Variants in STXBP4 observed in about 807,000 individuals in gnomAD.
STXBP4 encodes the protein syntaxin binding protein 4, also known as syntaxin-binding protein 4.
In STXBP4, 55 loss-of-function variants were observed where a neutral mutation model predicts 76.1. The observed-to-expected ratio is 0.72, with a 90% CI of 0.58 to 0.91. STXBP4 has a LOEUF of 0.91. Among genes scored for constraint, STXBP4 ranks in the 40% least tolerant of loss-of-function variants. STXBP4 has a pLI of 0.00. For missense variants in STXBP4, 618 were observed against 636.9 expected, an observed-to-expected ratio of 0.97 and a Z score of 0.32; for synonymous variants, 201 against 220.2, an observed-to-expected ratio of 0.91 and a Z score of 0.77.
At position 55,069,087 on chromosome 17, in the gene STXBP4, C is replaced by T. The variant is rs538640655; in HGVS notation, c.1012-3813C>T. On this transcript the variant is annotated intron_variant, in intron 12 of 17. Coordinates refer to ENST00000376352, the MANE Select transcript of STXBP4 (RefSeq NM_178509.6). ...GCTCTTTGAAGTTTCATTATGTAAT[C>T]GTGAGGCAGAAAAACCTCATTTTAT... Among the ~76,000 whole-genome samples, 247 of 148,278 alleles carry T rather than the reference C, an allele frequency of 1.7e-3. 7 individuals carry two copies. In the South Asian group the frequency reaches 0.031, roughly 19 times the overall value.
intron 17 of STXBP4, among the ~76,000 whole-genome samples, chr17:55,158,992 C>T (rs1350453320): frequency 6.6e-6 from 1 of 152,206 alleles, no homozygotes; most frequent in Non-Finnish European, 1.5e-5. Flanking sequence ...CGCCTGTAAT[C>T]CCAACACTTT....
intron 8 of STXBP4, among the ~76,000 whole-genome samples, chr17:55,024,374 G>T (rs139494432): frequency 6.6e-6 from 1 of 152,184 alleles, no homozygotes. Context: ...CTTGTCAGCC[G>T]GTGATAGAAT....
chr17:55,113,000 A>C (rs1044074690), intron 16 of STXBP4, among the ~76,000 whole-genome samples: 3 of 152,270 alleles, frequency 2.0e-5, no homozygotes, highest in South Asian at 2.1e-4. Context: ...TAGATTGGTG[A>C]GGGCACAAAT....
intron 16 of STXBP4, among the ~76,000 whole-genome samples, chr17:55,103,296 T>A (rs2079588263): frequency 6.6e-6 from 1 of 152,246 alleles, no homozygotes; most frequent in Admixed American, 6.5e-5. Context: ...CCATCTTGAA[T>A]TAATTTTTGT....
chr17:55,189,564 C>G, the STXBP4 span, among the ~76,000 whole-genome samples: 4,628 of 152,254 alleles, frequency 0.03, 116 homozygotes, highest in East Asian at 0.15. Flanking sequence ...AGTGAGGCCA[C>G]GGTCAAGTTA....
chr17:55,100,867 C>G (rs571467728), intron 16 of STXBP4, among the ~76,000 whole-genome samples: 3 of 152,268 alleles, frequency 2.0e-5, no homozygotes, highest in East Asian at 1.9e-4. Context: ...ATCTTGCACT[C>G]TTTACTGGCT....
chr17:54,976,002 CT>C (rs962518730), intron 1 of STXBP4, among the ~76,000 whole-genome samples: 19 of 152,118 alleles, frequency 1.2e-4, no homozygotes, highest in African/African-American at 4.3e-4. Context: ...TTAATTGTAT[CT>C]TTTTTTTATT....
chr17:55,135,628 G>A (rs996674441), intron 16 of STXBP4, among the ~76,000 whole-genome samples: 1 of 151,936 alleles, frequency 6.6e-6, no homozygotes, highest in Non-Finnish European at 1.5e-5. Flanking sequence ...AGGAAAATTA[G>A]CTAGTAGTTC....
the STXBP4 span, among the ~76,000 whole-genome samples, chr17:55,204,299 C>A: frequency 1.3e-5 from 2 of 151,938 alleles, no homozygotes; most frequent in Non-Finnish European, 2.9e-5. Context: ...GTCTCCAGTT[C>A]TCTGCTTAAA....
chr17:55,011,786 G>A (rs1299568724), intron 8 of STXBP4, among the ~76,000 whole-genome samples: 1 of 152,108 alleles, frequency 6.6e-6, no homozygotes, highest in African/African-American at 2.4e-5. Context: ...CAGCTTCCCA[G>A]CTAGGCTTAG....
At chr17:55,068,680 G>C (rs2079083250) in intron 12 of STXBP4, among the ~76,000 whole-genome samples, 1 of 152,056 alleles carries the variant, frequency 6.6e-6, no homozygotes, top group Non-Finnish European at 1.5e-5. Flanking sequence ...AGAGGAAAAG[G>C]AAAAAATTGT....
chr17:54,972,857 A>G (rs972598662), intron 1 of STXBP4, among the ~76,000 whole-genome samples: 15 of 152,174 alleles, frequency 9.9e-5, no homozygotes, highest in African/African-American at 1.2e-4. Flanking sequence ...TACTTGCTCA[A>G]TTCCCCCCAT....
chr17:55,002,903 C>T (rs916309892), intron 7 of STXBP4, among the ~76,000 whole-genome samples: 11 of 152,100 alleles, frequency 7.2e-5, no homozygotes, highest in Non-Finnish European at 1.5e-4. Context: ...AATATGGAAC[C>T]TATAGCTTAG....
At chr17:54,976,815 C>G (rs946830005) in intron 1 of STXBP4, among the ~76,000 whole-genome samples, 2 of 152,056 alleles carry the variant, frequency 1.3e-5, no homozygotes, top group African/African-American at 4.8e-5. Flanking sequence ...GAAACCATCC[C>G]CCACACCCCC....
chr17:55,195,505 G>T, the STXBP4 span, among the ~76,000 whole-genome samples: 1 of 152,124 alleles, frequency 6.6e-6, no homozygotes, highest in Admixed American at 6.5e-5. Flanking sequence ...AGAGTGCAGT[G>T]GTGTGATCAG....
At chr17:55,211,814 T>TTC in the STXBP4 span, among the ~76,000 whole-genome samples, 2 of 131,436 alleles carry the variant, frequency 1.5e-5, no homozygotes, top group Non-Finnish European at 3.2e-5. Flanking sequence ...TTTTTTTTTT[T>TTC]TTTTTTTTTT....
At chr17:55,110,587 C>T (rs945335415) in intron 16 of STXBP4, among the ~76,000 whole-genome samples, 45 of 152,150 alleles carry the variant, frequency 3.0e-4, no homozygotes, top group African/African-American at 1.0e-3. Flanking sequence ...CAGCTGAATT[C>T]TGTAAACTTT....
At chr17:55,154,681 T>A (rs1598355140) in intron 17 of STXBP4, among the ~76,000 whole-genome samples, 1 of 152,212 alleles carries the variant, frequency 6.6e-6, no homozygotes, top group South Asian at 2.1e-4. Flanking sequence ...TATATAGCAA[T>A]CCAGCCTGTG....
intron 12 of STXBP4, among the ~76,000 whole-genome samples, chr17:55,055,472 A>G (rs932285509): frequency 2.0e-5 from 3 of 152,154 alleles, no homozygotes; most frequent in Non-Finnish European, 2.9e-5. Context: ...CTGTGTTGCT[A>G]TTATAGCTTC....
Sources: gnomAD v4.1 joint callset for allele counts (sites outside exome capture counted in the v4.1 genomes callset) on GRCh38, gnomAD v4.1.1 for gene constraint, MANE v1.5 for transcripts, NCBI Gene and HGNC (gene_info 2026-07-23, HGNC 2026-07-21) for gene names.